SFTPD: variants seen among roughly 807,000 people sequenced by gnomAD.
SFTPD encodes the protein surfactant protein D.
Under a neutral mutation model 34.6 loss-of-function variants are expected in SFTPD, and 18 were observed. The observed-to-expected ratio is 0.52, with a 90% CI of 0.36 to 0.77. The LOEUF is 0.77. SFTPD is among the 30% of genes least tolerant of loss of function. The pLI is 0.00. For missense variants in SFTPD, 433 were observed against 468.9 expected (o/e 0.92, Z 0.71); for synonymous variants, 155 against 180.9 (o/e 0.86, Z 1.15).
intron 1 of SFTPD, chr10:79,972,356 A>G: frequency 6.6e-6 from 1 of 152,298 alleles, no homozygotes; most frequent in Non-Finnish European, 1.5e-5. Flanking sequence ...AAAATTAGCC[A>G]GGCATGGTGG....
At chr10:79,958,404 C>A (rs936624485) in intron 1 of SFTPD, among the ~76,000 whole-genome samples, 1 of 152,056 alleles carries the variant, frequency 6.6e-6, no homozygotes, top group Admixed American at 6.6e-5. Context: ...TTCAGGAAAC[C>A]CATCTCACAT....
At chr10:79,941,174 C>T (rs1043918523) in intron 6 of SFTPD, among the ~76,000 whole-genome samples, 1 of 152,228 alleles carries the variant, frequency 6.6e-6, no homozygotes, top group Admixed American at 6.5e-5. Context: ...TCCCGATAGT[C>T]AGATGGAGAA....
intron 1 of SFTPD, among the ~76,000 whole-genome samples, chr10:79,947,691 G>GA (rs986649098): frequency 8.0e-5 from 12 of 150,936 alleles, no homozygotes; most frequent in East Asian, 1.9e-4. Flanking sequence ...CTCCATCTCA[G>GA]AAAAAAAAAG....
At chr10:79,938,888 G>T (rs1842584458) in intron 7 of SFTPD, among the ~76,000 whole-genome samples, 1 of 152,212 alleles carries the variant, frequency 6.6e-6, no homozygotes, top group Admixed American at 6.5e-5. Context: ...CTGCCTGGGA[G>T]GTGCTGAGGG....
intron 2 of SFTPD, 87 bp from the exon 3 acceptor site, chr10:79,942,966 T>C (rs1998374): frequency 0.16 from 131,482 of 838,808 alleles, 14,320 homozygotes; most frequent in East Asian, 0.42. Flanking sequence ...AGCATTCCTT[T>C]AGGATTCTGC....
intron 1 of SFTPD, among the ~76,000 whole-genome samples, chr10:79,974,616 C>T (rs922899300): frequency 1.3e-5 from 2 of 152,200 alleles, no homozygotes; most frequent in Non-Finnish European, 2.9e-5. Context: ...ATATATACCT[C>T]TCCATCTATC....
rs1391641554 is a variant in SFTPD, at chr10:79,966,688, G to A, written c.36+15887C>T. On this transcript the variant is annotated intron_variant, in intron 1 of 5. Coordinates refer to the SFTPD transcript ENST00000444384. ...CTATGTCCTGAATGGTAATGCCTAG[G>A]TTTTCTTCTAGGGTTTTTATGGTTT... Among the ~76,000 whole-genome samples the A allele has an allele frequency of 2.7e-5, 4 of 146,006 alleles. 1 individual carries two copies. The East Asian group carries it at 1.0e-3, about 37-fold the overall frequency.
chr10:79,953,995 T>C (rs531186707), upstream of SFTPD, among the ~76,000 whole-genome samples: 1 of 141,632 alleles, frequency 7.1e-6, no homozygotes, highest in African/African-American at 2.6e-5. Context: ...AGTTCCAGGA[T>C]TTTTGTGGGT....
intron 1 of SFTPD, among the ~76,000 whole-genome samples, chr10:79,947,866 G>A (rs1842681163): frequency 6.6e-6 from 1 of 152,116 alleles, no homozygotes; most frequent in South Asian, 2.1e-4. Flanking sequence ...AACTGTTTTG[G>A]GTATCTTTTC....
At chr10:79,972,194 A>T (rs11200971) in intron 1 of SFTPD, 11,885 of 152,342 alleles carry the variant, frequency 0.078, 910 homozygotes, top group East Asian at 0.39. Context: ...AGAAGAAGCC[A>T]CAGGCACTTT....
upstream of SFTPD, chr10:79,951,017 T>G (rs1468510327): frequency 2.0e-5 from 3 of 152,082 alleles, no homozygotes; most frequent in Non-Finnish European, 4.4e-5. Flanking sequence ...TCAATAAATT[T>G]TTATTTCTAG....
chr10:79,962,285 TAAAGTA>T (rs1228442130), intron 1 of SFTPD, among the ~76,000 whole-genome samples: 1 of 148,462 alleles, frequency 6.7e-6, no homozygotes, highest in East Asian at 2.2e-4. Context: ...CCCTAAAACT[TAAAGTA>T]TAATAATAAT....
upstream of SFTPD, among the ~76,000 whole-genome samples, chr10:79,953,993 G>A (rs1306546113): frequency 1.4e-5 from 2 of 144,244 alleles, no homozygotes; most frequent in East Asian, 4.8e-4. Flanking sequence ...TCAGTTCCAG[G>A]ATTTTTGTGG....
At chr10:79,975,530 G>A (rs746552505) in intron 1 of SFTPD, among the ~76,000 whole-genome samples, 42 of 152,012 alleles carry the variant, frequency 2.8e-4, no homozygotes, top group African/African-American at 2.2e-4. Context: ...CTGTTGCTCC[G>A]GCGACCCTTC....
chr10:79,939,794 A>G (rs1842593839), intron 7 of SFTPD, among the ~76,000 whole-genome samples: 1 of 152,180 alleles, frequency 6.6e-6, no homozygotes, highest in Non-Finnish European at 1.5e-5. Flanking sequence ...GAAAACTTTA[A>G]TCTTTTATTT....
intron 1 of SFTPD, among the ~76,000 whole-genome samples, chr10:79,964,798 C>T (rs1005926051): frequency 2.6e-5 from 4 of 152,172 alleles, no homozygotes; most frequent in African/African-American, 9.7e-5. Context: ...ATTGACTTTA[C>T]TCACATGCCT....
At chr10:79,963,667 T>C (rs1454993824) in intron 1 of SFTPD, among the ~76,000 whole-genome samples, 1 of 152,190 alleles carries the variant, frequency 6.6e-6, no homozygotes, top group Non-Finnish European at 1.5e-5. Flanking sequence ...CATAATCTCC[T>C]TTGTCCCTGT....
intron 2 of SFTPD, among the ~76,000 whole-genome samples, chr10:79,945,152 T>G (rs773384539): frequency 6.6e-6 from 1 of 152,124 alleles, no homozygotes; most frequent in Non-Finnish European, 1.5e-5. Context: ...GAGGCACATA[T>G]GTGGGGAAGG....
intron 3 of SFTPD, 38 bp downstream of exon 3, chr10:79,942,725 C>T (rs1842626440): frequency 7.4e-7 from 1 of 1,347,552 alleles, no homozygotes; most frequent in South Asian, 1.2e-5. Context: ...GCTGCACCAC[C>T]ACCTGGAAAC....
Sources: gnomAD v4.1 joint callset for allele counts (sites outside exome capture counted in the v4.1 genomes callset) on GRCh38, gnomAD v4.1.1 for gene constraint, MANE v1.5 for transcripts, NCBI Gene and HGNC (gene_info 2026-07-23, HGNC 2026-07-21) for gene names.